The following CD1B variants were observed in gnomAD, a reference collection of about 807,000 sequenced individuals.
CD1B encodes the protein CD1b molecule, also known as T-cell surface glycoprotein CD1b.
A neutral mutation model predicts 39.8 loss-of-function variants in CD1B; 43 were observed. The observed-to-expected ratio is 1.08, with a 90% CI of 0.85 to 1.39. The LOEUF (loss-of-function observed/expected upper bound fraction) is 1.39, where lower values mean the gene tolerates loss of function less well. CD1B is among the 40% of genes most tolerant of loss of function. The pLI is 0.00. For missense variants in CD1B, 495 were observed against 403.8 expected, an observed-to-expected ratio of 1.23 and a Z score of -1.94; for synonymous variants, 192 against 152.5, an observed-to-expected ratio of 1.26 and a Z score of -1.91.
chr1:158,293,692 T>C, the CD1B span: 1 of 1,133,462 alleles, frequency 8.8e-7, no homozygotes, highest in Non-Finnish European at 1.3e-6. Context: ...ATTTCTGATG[T>C]CATTTCCTCC....
chr1:158,305,763 TG>T, the CD1B span, among the ~76,000 whole-genome samples: 2 of 152,124 alleles, frequency 1.3e-5, no homozygotes, highest in African/African-American at 4.8e-5. Flanking sequence ...CAGAAGAGAG[TG>T]GGGGCCAATA....
At chr1:158,293,272 T>C in the CD1B span, 610 of 1,614,120 alleles carry the variant, frequency 3.8e-4, 1 homozygote, top group Non-Finnish European at 4.7e-4. Flanking sequence ...GTGATTCTAA[T>C]AGTCCTTGTG....
At chr1:158,314,850 C>A in the CD1B span, among the ~76,000 whole-genome samples, 2 of 144,002 alleles carry the variant, frequency 1.4e-5, no homozygotes. Context: ...TGTTCCCCTT[C>A]CTGTGTCCAT....
At chr1:158,327,545 T>C (rs1652399160), downstream of CD1B, among the ~76,000 whole-genome samples, 1 of 152,218 alleles carries the variant, frequency 6.6e-6, no homozygotes, top group African/African-American at 2.4e-5. Context: ...ACTTGGCAGT[T>C]ACAGCAACTC....
At chr1:158,311,140 T>C in the CD1B span, among the ~76,000 whole-genome samples, 1 of 152,200 alleles carries the variant, frequency 6.6e-6, no homozygotes, top group Admixed American at 6.5e-5. Context: ...ACTTTTTAAA[T>C]AAAATCTATT....
chr1:158,290,258 T>G, the CD1B span: 1 of 719,124 alleles, frequency 1.4e-6, no homozygotes. Context: ...CAGTTTACTC[T>G]TTTGGAGGAT....
At chr1:158,315,940 T>A in the CD1B span, among the ~76,000 whole-genome samples, 1 of 152,054 alleles carries the variant, frequency 6.6e-6, no homozygotes, top group African/African-American at 2.4e-5. Flanking sequence ...CTGGTTTTTC[T>A]CAGGTTTGTC....
the CD1B span, among the ~76,000 whole-genome samples, chr1:158,319,436 T>C: frequency 6.6e-6 from 1 of 152,240 alleles, no homozygotes; most frequent in African/African-American, 2.4e-5. Flanking sequence ...AATGATACCC[T>C]TTCTTCCAGT....
At chr1:158,316,664 A>G in the CD1B span, among the ~76,000 whole-genome samples, 19 of 150,660 alleles carry the variant, frequency 1.3e-4, no homozygotes, top group East Asian at 7.8e-4. Flanking sequence ...TCTCCTGCCT[A>G]ATTGCCCTGG....
At chr1:158,315,700 G>T in the CD1B span, among the ~76,000 whole-genome samples, 1 of 151,804 alleles carries the variant, frequency 6.6e-6, no homozygotes, top group African/African-American at 2.4e-5. Context: ...TGTTGCCATT[G>T]CTTTTGGTGT....
At chr1:158,299,466 T>C in the CD1B span, among the ~76,000 whole-genome samples, 1 of 151,202 alleles carries the variant, frequency 6.6e-6, no homozygotes, top group East Asian at 1.9e-4. Context: ...GACATTGGTC[T>C]AAAACTCTCA....
At chr1:158,319,024 A>G in the CD1B span, among the ~76,000 whole-genome samples, 29 of 151,934 alleles carry the variant, frequency 1.9e-4, no homozygotes, top group East Asian at 7.7e-4. Context: ...GGTTTCTGCC[A>G]AGAGATCCGC....
the CD1B span, among the ~76,000 whole-genome samples, chr1:158,300,789 C>G: frequency 7.0e-6 from 1 of 142,114 alleles, no homozygotes; most frequent in Non-Finnish European, 1.5e-5. Context: ...GACAGAGTCT[C>G]ACTCTGTCAC....
chr1:158,298,607 G>A, the CD1B span, among the ~76,000 whole-genome samples: 2 of 152,292 alleles, frequency 1.3e-5, no homozygotes, highest in Non-Finnish European at 2.9e-5. Context: ...ACTTTGGGCA[G>A]TATGGCCATT....
the CD1B span, among the ~76,000 whole-genome samples, chr1:158,314,160 C>T: frequency 6.6e-6 from 1 of 152,172 alleles, no homozygotes; most frequent in African/African-American, 2.4e-5. Context: ...TCTCTGCTCA[C>T]TGCAACCTCT....
chr1:158,317,405 C>G, the CD1B span, among the ~76,000 whole-genome samples: 1 of 152,098 alleles, frequency 6.6e-6, no homozygotes, highest in Admixed American at 6.6e-5. Context: ...GTGTATGTGT[C>G]GAGGAATTTA....
the CD1B span, chr1:158,291,108 A>T: frequency 1.9e-6 from 3 of 1,577,110 alleles, no homozygotes; most frequent in Admixed American, 1.8e-5. Flanking sequence ...TTTTCCTTAC[A>T]CTACTTGCCC....
chr1:158,319,529 C>G, the CD1B span, among the ~76,000 whole-genome samples: 1 of 152,208 alleles, frequency 6.6e-6, no homozygotes, highest in South Asian at 2.1e-4. Flanking sequence ...CCTTTAAGCA[C>G]TTCTCTGTGT....
chr1:158,294,615 A>AAGATTTTGTTAAT, the CD1B span, among the ~76,000 whole-genome samples: 1 of 152,176 alleles, frequency 6.6e-6, no homozygotes, highest in Non-Finnish European at 1.5e-5. Context: ...ACAAAATCAC[A>AAGATTTTGTTAAT]ATCAAGATAT....
Sources: allele counts gnomAD v4.1 joint callset (sites outside exome capture counted in the v4.1 genomes callset), GRCh38; gene constraint gnomAD v4.1.1; transcripts MANE v1.5; gene names NCBI Gene and HGNC (gene_info 2026-07-23, HGNC 2026-07-21).